FRMD5: variants seen among roughly 807,000 people sequenced by gnomAD.
FRMD5 encodes FERM domain containing 5, also known as FERM domain-containing protein 5.
Under a neutral mutation model 69.0 loss-of-function variants are expected in FRMD5, and 20 were observed. The observed-to-expected ratio is 0.29, with a 90% CI of 0.20 to 0.42. FRMD5 has a LOEUF of 0.42. Ranked by LOEUF, FRMD5 falls within the 10% of genes least tolerant of loss-of-function variation. The probability of loss-of-function intolerance (pLI) is 1.00; values close to 1 mark genes in which losing one functional copy is unlikely to be tolerated. For missense variants in FRMD5, 595 were observed against 708.6 expected (o/e 0.84, Z 1.82); for synonymous variants, 271 against 260.1 (o/e 1.04, Z -0.40).
At chr15:44,100,435 TATAA>T (rs762105258) in intron 1 of FRMD5, among the ~76,000 whole-genome samples, 2 of 152,196 alleles carry the variant, frequency 1.3e-5, no homozygotes, top group Non-Finnish European at 2.9e-5. Context: ...TCCACAGCAC[TATAA>T]ATAATTAGTG....
intron 1 of FRMD5, among the ~76,000 whole-genome samples, chr15:43,935,392 G>A (rs2140474361): frequency 6.6e-6 from 1 of 152,310 alleles, no homozygotes; most frequent in East Asian, 1.9e-4. Context: ...GCTGAGGCAG[G>A]AGAGCTGCTT....
At chr15:44,195,827 A>G (rs927176407), upstream of FRMD5, among the ~76,000 whole-genome samples, 2 of 152,210 alleles carry the variant, frequency 1.3e-5, no homozygotes, top group Non-Finnish European at 2.9e-5. Flanking sequence ...TAAAAGCTAA[A>G]GGGACCTCAG....
chr15:43,890,487 C>T (rs1435951895), intron 8 of FRMD5, among the ~76,000 whole-genome samples: 2 of 152,212 alleles, frequency 1.3e-5, no homozygotes, highest in African/African-American at 2.4e-5. Context: ...CACCCAACAG[C>T]TACTCTGGTT....
intron 1 of FRMD5, among the ~76,000 whole-genome samples, chr15:43,982,105 T>C (rs1270138276): frequency 6.6e-6 from 1 of 152,230 alleles, no homozygotes; most frequent in African/African-American, 2.4e-5. Context: ...GTTCTCTCTA[T>C]TGGGGTTCTC....
intron 1 of FRMD5, among the ~76,000 whole-genome samples, chr15:44,137,318 T>C (rs2077201782): frequency 6.6e-6 from 1 of 152,180 alleles, no homozygotes; most frequent in African/African-American, 2.4e-5. Flanking sequence ...TTCAGTTAGA[T>C]CAATAAGCTC....
intron 1 of FRMD5, among the ~76,000 whole-genome samples, chr15:43,970,111 T>C (rs2090353002): frequency 6.6e-6 from 1 of 152,200 alleles, no homozygotes; most frequent in Non-Finnish European, 1.5e-5. Context: ...TATTGTAATG[T>C]GATTGATGAA....
chr15:44,035,966 C>T (rs887549994), intron 1 of FRMD5, among the ~76,000 whole-genome samples: 4 of 152,128 alleles, frequency 2.6e-5, no homozygotes, highest in African/African-American at 9.7e-5. Flanking sequence ...AGATCTTCCT[C>T]GTAGTAAACT....
intron 1 of FRMD5, among the ~76,000 whole-genome samples, chr15:44,090,138 T>C (rs766372785): frequency 6.6e-6 from 1 of 152,134 alleles, no homozygotes; most frequent in Non-Finnish European, 1.5e-5. Context: ...GCCAAGAATC[T>C]GAAAATCTGT....
rs149381632 is a variant in FRMD5 at position 44,123,275 on chromosome 15, G to A, written c.102+71678C>T. On this transcript the variant is annotated intron_variant, in intron 1 of 13. Transcript: ENST00000417257. ...CAGGAGAATCACTTGAACCCGGGAG[G>A]CACAGGTTGCGGTGAGCTGAGATCG... Among the ~76,000 whole-genome samples, 11 of 151,884 alleles carry A rather than the reference G, an allele frequency of 7.2e-5. 1 individual carries two copies. The highest frequency in any genetic ancestry group is 2.7e-4 in the African/African-American group (11 of 41,412).
chr15:43,965,054 T>C (rs892365317), intron 1 of FRMD5, among the ~76,000 whole-genome samples: 9 of 152,178 alleles, frequency 5.9e-5, no homozygotes, highest in Admixed American at 5.9e-4. Context: ...TCACCTAGTA[T>C]GGAAAAGGAT....
chr15:44,061,630 T>A (rs534701865), intron 1 of FRMD5, among the ~76,000 whole-genome samples: 1 of 152,356 alleles, frequency 6.6e-6, no homozygotes, highest in South Asian at 2.1e-4. Context: ...GGGAAGTCCA[T>A]AAAGTTTGAC....
At chr15:43,971,503 G>A (rs2090377224) in intron 1 of FRMD5, among the ~76,000 whole-genome samples, 1 of 150,842 alleles carries the variant, frequency 6.6e-6, no homozygotes, top group African/African-American at 2.4e-5. Flanking sequence ...GATCAAGATG[G>A]CGAAACCCCA....
At chr15:44,129,369 G>A (rs1233915294) in intron 1 of FRMD5, among the ~76,000 whole-genome samples, 2 of 152,220 alleles carry the variant, frequency 1.3e-5, no homozygotes, top group African/African-American at 4.8e-5. Flanking sequence ...AAGAAGCATT[G>A]TCCCAAAAAT....
At chr15:44,134,985 T>C (rs914074309) in intron 1 of FRMD5, among the ~76,000 whole-genome samples, 8 of 152,188 alleles carry the variant, frequency 5.3e-5, no homozygotes, top group Non-Finnish European at 8.8e-5. Context: ...AAGATCTGAC[T>C]CATACTTTGA....
intron 1 of FRMD5, among the ~76,000 whole-genome samples, chr15:43,940,921 T>C (rs1173672543): frequency 6.6e-6 from 1 of 152,222 alleles, no homozygotes; most frequent in African/African-American, 2.4e-5. Flanking sequence ...ACTGAATTAA[T>C]TAAGGAAATA....
chr15:44,189,686 T>G (rs2078162495), intron 1 of FRMD5, among the ~76,000 whole-genome samples: 2 of 151,868 alleles, frequency 1.3e-5, no homozygotes, highest in African/African-American at 4.8e-5. Flanking sequence ...AGACGGGGGT[T>G]TTACCATGTT....
intron 1 of FRMD5, among the ~76,000 whole-genome samples, chr15:44,144,471 T>C (rs2077325143): frequency 6.6e-6 from 1 of 152,140 alleles, no homozygotes; most frequent in Non-Finnish European, 1.5e-5. Context: ...TTCCATCTAT[T>C]TCATTCACAG....
At chr15:44,077,093 T>C (rs1177578958) in intron 1 of FRMD5, among the ~76,000 whole-genome samples, 1 of 152,114 alleles carries the variant, frequency 6.6e-6, no homozygotes, top group Non-Finnish European at 1.5e-5. Flanking sequence ...GCTCACTCTC[T>C]TGGAACATTT....
At chr15:44,145,890 A>G (rs2077348305) in intron 1 of FRMD5, among the ~76,000 whole-genome samples, 1 of 152,210 alleles carries the variant, frequency 6.6e-6, no homozygotes, top group Non-Finnish European at 1.5e-5. Flanking sequence ...AACATATCAT[A>G]CTAAGGGAGC....
Sources: gnomAD v4.1 joint callset for allele counts (sites outside exome capture counted in the v4.1 genomes callset) on GRCh38, gnomAD v4.1.1 for gene constraint, MANE v1.5 for transcripts, NCBI Gene and HGNC (gene_info 2026-07-23, HGNC 2026-07-21) for gene names.